Variants in MRPL39 observed in about 807,000 individuals in gnomAD.
MRPL39 encodes the protein mitochondrial ribosomal protein L39, also known as large ribosomal subunit protein mL39.
In MRPL39, 35 loss-of-function variants were observed where a neutral mutation model predicts 44.5. The observed-to-expected ratio is 0.79, with a 90% CI of 0.60 to 1.04. MRPL39 has a LOEUF of 1.04. Ranked by LOEUF, MRPL39 falls within the 50% of genes least tolerant of loss-of-function variation. The pLI is 0.00. For synonymous variants in MRPL39, 139 were observed against 136.1 expected (o/e 1.02, Z -0.15); for missense variants, 433 against 413.5 (o/e 1.05, Z -0.41).
chr21:25,596,671 GTTA>G (rs1207476413), intron 6 of MRPL39, among the ~76,000 whole-genome samples: 3,369 of 33,650 alleles, frequency 0.1, 151 homozygotes, highest in African/African-American at 0.17. Flanking sequence ...TTCAGACTCT[GTTA>G]TTTTTTTTTT....
intron 6 of MRPL39, among the ~76,000 whole-genome samples, chr21:25,595,179 G>A (rs1389092986): frequency 6.6e-6 from 1 of 152,204 alleles, no homozygotes; most frequent in Admixed American, 6.5e-5. Context: ...ACAGGTGTAT[G>A]CACAATTATG....
At chr21:25,587,689 G>A (rs756085110) in intron 9 of MRPL39, 3 of 1,568,236 alleles carry the variant, frequency 1.9e-6, no homozygotes, top group Admixed American at 3.3e-5. Context: ...ATAATTATTT[G>A]TTAGAGATTA....
At chr21:25,600,862 C>A (rs1225437077) in intron 4 of MRPL39, among the ~76,000 whole-genome samples, 3 of 152,178 alleles carry the variant, frequency 2.0e-5, no homozygotes, top group Non-Finnish European at 2.9e-5. Flanking sequence ...AATCCCAGCA[C>A]TTTGGGAGGC....
intron 8 of MRPL39, among the ~76,000 whole-genome samples, chr21:25,589,731 T>A (rs1361600927): frequency 6.6e-6 from 1 of 152,192 alleles, no homozygotes; most frequent in South Asian, 2.1e-4. Flanking sequence ...AATGAGCTCA[T>A]AAAATCTATA....
chr21:25,593,050 G>T, intron 7 of MRPL39, 85 bp from the exon 8 acceptor site: 1 of 1,191,708 alleles, frequency 8.4e-7, no homozygotes, highest in Non-Finnish European at 1.2e-6. Context: ...CCTTCTCTTT[G>T]CTGCTAACAT....
chr21:25,588,390 C>T (rs2031071168), intron 9 of MRPL39, among the ~76,000 whole-genome samples: 1 of 151,992 alleles, frequency 6.6e-6, no homozygotes, highest in African/African-American at 2.4e-5. Context: ...ACTACAAAAA[C>T]ACAAACATTC....
chr21:25,598,901 C>CATCTAATATAAGG (rs1468203446), intron 5 of MRPL39, among the ~76,000 whole-genome samples: 4 of 148,552 alleles, frequency 2.7e-5, no homozygotes, highest in African/African-American at 9.9e-5. Flanking sequence ...TGCAAGATAC[C>CATCTAATATAAGG]ATCTAATATA....
chr21:25,599,657 GATACATAGATAC>G, intron 5 of MRPL39, 130 bp downstream of exon 5: 2 of 656,680 alleles, frequency 3.0e-6, no homozygotes, highest in Non-Finnish European at 5.1e-6. Context: ...CAGACAGACA[GATACATAGATAC>G]ATAGATAGAT....
At chr21:25,594,196 T>C (rs908484296) in intron 6 of MRPL39, among the ~76,000 whole-genome samples, 8 of 151,690 alleles carry the variant, frequency 5.3e-5, no homozygotes, top group African/African-American at 1.9e-4. Context: ...TTAATACCAA[T>C]GCTCACCTCC....
chr21:25,601,564 A>G, intron 3 of MRPL39, 97 bp from the exon 4 acceptor site: 2 of 755,476 alleles, frequency 2.6e-6, no homozygotes, highest in Non-Finnish European at 3.9e-6. Flanking sequence ...TCTGACTTAG[A>G]AAATATTTCT....
At chr21:25,599,892 C>G in intron 4 of MRPL39, 26 bp from the exon 5 acceptor site, 1 of 1,586,444 alleles carries the variant, frequency 6.3e-7, no homozygotes, top group Non-Finnish European at 8.6e-7. Context: ...AAATAAAAAG[C>G]AAAGTCAAAT....
rs201326471 is a variant in MRPL39, at chr21:25,591,123, C to T, written c.921+1689G>A. On this transcript the variant is annotated intron_variant, in intron 8 of 9. Coordinates refer to ENST00000352957, the MANE Select transcript of MRPL39 (RefSeq NM_017446.4). ...AAAAAACCTAAACCTAAATCTCACA[C>T]TCATAGAAAAATTAACTCAAAATGG... is the stretch of plus-strand genomic sequence containing the variant. Among the ~76,000 whole-genome samples the T allele has an allele frequency of 6.2e-5, 9 of 145,778 alleles. No homozygotes were observed. In the East Asian group the frequency reaches 1.6e-3, roughly 26 times the overall value.
chr21:25,587,648 G>A lies in MRPL39; in HGVS notation c.969+1187C>T. The A allele has an allele frequency of 3.2e-6, 4 of 1,251,912 alleles. No individual in the cohort carries two copies. The South Asian group carries it at 4.9e-5, about 15-fold the overall frequency. 77.6% of individuals were successfully genotyped at this position (1,251,912 alleles called of 1,614,324 possible). A position where few individuals can be genotyped will look rare whatever the true frequency, so the allele number is the denominator to read the frequency against. ...GAAAACAATCAAAAAATAGTATGTG[G>A]ACATATACAATCAAGCACAAACTTA... On this transcript the variant is annotated intron_variant, in intron 9 of 9. Transcript: ENST00000352957.
chr21:25,593,628 A>G (rs760009242), intron 7 of MRPL39, among the ~76,000 whole-genome samples: 7 of 152,224 alleles, frequency 4.6e-5, no homozygotes, highest in Non-Finnish European at 8.8e-5. Context: ...TAAAAATTAC[A>G]TTCTTAAACA....
rs991716546 is a variant in MRPL39 at position 25,587,852 on chromosome 21, T to C, written c.969+983A>G. On this transcript the variant is annotated intron_variant, in intron 9 of 9. Coordinates refer to ENST00000352957, the MANE Select transcript of MRPL39 (RefSeq NM_017446.4). ...TGAAAATAAGTTTAATGTGTGATGC[T>C]TAATGTGCCTGCAAGCTTAACCAGT... is the stretch of plus-strand genomic sequence containing the variant. The C allele has an allele frequency of 4.1e-6, 5 of 1,222,874 alleles. No homozygotes were observed. The African/African-American group carries it at 7.4e-5, about 18-fold the overall frequency. 75.8% of individuals were successfully genotyped at this position (1,222,874 alleles called of 1,614,324 possible). A position where few individuals can be genotyped will look rare whatever the true frequency, so the allele number is the denominator to read the frequency against.
chr21:25,607,714 G>C (rs60477916), upstream of MRPL39, among the ~76,000 whole-genome samples: 11,358 of 152,190 alleles, frequency 0.075, 763 homozygotes, highest in East Asian at 0.37. Context: ...GAGGTGCAGG[G>C]CCCCCAGGGC....
In MRPL39 at chr21:25,606,700, A is replaced by C. The variant is rs761500783; in HGVS notation, c.74-45T>G. 11 of 1,491,728 alleles carry C rather than the reference A, an allele frequency of 7.4e-6. No homozygotes were observed. The East Asian group carries it at 2.5e-4, about 34-fold the overall frequency. 92.4% of individuals were successfully genotyped at this position (1,491,728 alleles called of 1,614,324 possible). A position where few individuals can be genotyped will look rare whatever the true frequency, so the allele number is the denominator to read the frequency against. ...AATATGAAGACTGAAAAAATGATTA[A>C]CGTACTGCCAAAAGTGCGCTCAGAG... is the stretch of plus-strand genomic sequence containing the variant. On this transcript the variant is annotated intron_variant, in intron 1 of 9. Coordinates refer to ENST00000352957, the MANE Select transcript of MRPL39 (RefSeq NM_017446.4).
At chr21:25,605,776 C>T (rs1186617035) in intron 2 of MRPL39, among the ~76,000 whole-genome samples, 49 of 152,192 alleles carry the variant, frequency 3.2e-4, no homozygotes, top group Admixed American at 3.2e-3. Context: ...TGATGGTGGG[C>T]ACCTGTAGTC....
intron 8 of MRPL39, 55 bp downstream of exon 8, chr21:25,592,757 C>A: frequency 7.4e-7 from 1 of 1,342,690 alleles, no homozygotes; most frequent in South Asian, 1.6e-5. Flanking sequence ...AAAATCAAGT[C>A]CGGAATTATA....
Sources: gnomAD v4.1 joint callset for allele counts (sites outside exome capture counted in the v4.1 genomes callset) on GRCh38, gnomAD v4.1.1 for gene constraint, MANE v1.5 for transcripts, NCBI Gene and HGNC (gene_info 2026-07-23, HGNC 2026-07-21) for gene names.